IMMP2L: variants seen among roughly 807,000 people sequenced by gnomAD.
IMMP2L encodes the protein inner mitochondrial membrane peptidase subunit 2.
Under a neutral mutation model 19.3 loss-of-function variants are expected in IMMP2L, and 18 were observed. That is an observed-to-expected ratio of 0.93 (90% CI 0.64 to 1.38). IMMP2L has a LOEUF of 1.38. Among genes scored for constraint, IMMP2L ranks in the 40% most tolerant of loss-of-function variants. IMMP2L has a pLI of 0.00. For missense variants in IMMP2L, 233 were observed against 218.2 expected, an observed-to-expected ratio of 1.07 and a Z score of -0.43; for synonymous variants, 76 against 73.0, an observed-to-expected ratio of 1.04 and a Z score of -0.21.
intron 4 of IMMP2L, among the ~76,000 whole-genome samples, chr7:110,951,294 A>C (rs915946954): frequency 2.6e-5 from 4 of 152,094 alleles, no homozygotes; most frequent in Admixed American, 2.0e-4. Context: ...ACAATAAAAA[A>C]ATTAAATTAA....
chr7:111,136,473 T>G (rs913991232), intron 3 of IMMP2L, among the ~76,000 whole-genome samples: 5 of 152,184 alleles, frequency 3.3e-5, no homozygotes, highest in African/African-American at 1.2e-4. Context: ...AGGGCAGCCC[T>G]GCAAGTTATT....
At chr7:110,874,638 G>C (rs915652837) in intron 5 of IMMP2L, among the ~76,000 whole-genome samples, 10 of 151,848 alleles carry the variant, frequency 6.6e-5, no homozygotes, top group African/African-American at 2.4e-4. Flanking sequence ...TTAAAATATA[G>C]AGAAATATTA....
At position 110,886,668 on chromosome 7, in the gene IMMP2L, G is replaced by T; in HGVS notation, c.333C>A (p.Val111=). The stretch of plus-strand genomic sequence containing the variant: ...CCCAGATGTGACCACGGGGGACTTT[G>T]ACATACCGGTTTTTGTGTCCTATGG... ...VRTIGHKNRY[V]KVPRGHIWVE... The change falls in exon 5 of 6, where the codon GTC becomes GTA. Residue 111 remains valine (V), a synonymous_variant. Transcript: ENST00000405709. The T allele has an allele frequency of 6.2e-7, 1 of 1,601,228 alleles. No homozygotes were observed. Among genetic ancestry groups the T allele is most frequent in the South Asian group, 1.1e-5 (1 of 90,776 alleles).
At chr7:110,664,788 G>A (rs1293572170) in intron 5 of IMMP2L, 6 of 151,934 alleles carry the variant, frequency 3.9e-5, no homozygotes, top group Admixed American at 1.3e-4. Context: ...ACTGAGTGCC[G>A]GTTATAAAGT....
At chr7:111,299,668 T>C (rs1365279452) in intron 3 of IMMP2L, among the ~76,000 whole-genome samples, 1 of 151,252 alleles carries the variant, frequency 6.6e-6, no homozygotes, top group Non-Finnish European at 1.5e-5. Flanking sequence ...ATTAATGAGA[T>C]AACAGTTTAC....
At chr7:111,460,769 T>C (rs1284095910) in intron 3 of IMMP2L, among the ~76,000 whole-genome samples, 1 of 152,100 alleles carries the variant, frequency 6.6e-6, no homozygotes, top group Non-Finnish European at 1.5e-5. Flanking sequence ...TCAAGATTAC[T>C]GCATTTTTCC....
intron 4 of IMMP2L, among the ~76,000 whole-genome samples, chr7:110,952,547 T>C (rs953376764): frequency 1.3e-5 from 2 of 152,088 alleles, no homozygotes; most frequent in Non-Finnish European, 2.9e-5. Context: ...AGGTTCATGG[T>C]AGAACTAAGG....
In IMMP2L at chr7:111,098,260, G is replaced by A. The variant is rs140357506; in HGVS notation, c.240-134695C>T. Among the ~76,000 whole-genome samples the A allele has an allele frequency of 4.8e-4, 73 of 151,788 alleles. 2 individuals carry two copies. In the East Asian group the frequency reaches 0.013, roughly 28 times the overall value. On this transcript the variant is annotated intron_variant, in intron 3 of 5. Coordinates refer to ENST00000405709, the MANE Select transcript of IMMP2L (RefSeq NM_032549.4). ...CCTCTTATTGTCATTTATTACTCACGTATTTTTTACACAAACACCACAGTT... is the reference window on the plus strand; with the variant it reads ...CCTCTTATTGTCATTTATTACTCACATATTTTTTACACAAACACCACAGTT...
chr7:111,392,445 C>T (rs895216159), intron 3 of IMMP2L, among the ~76,000 whole-genome samples: 1 of 152,152 alleles, frequency 6.6e-6, no homozygotes, highest in African/African-American at 2.4e-5. Context: ...TCCCATCAAC[C>T]TATTACTTCT....
chr7:111,460,820 T>C (rs1452120129), intron 3 of IMMP2L, among the ~76,000 whole-genome samples: 1 of 152,078 alleles, frequency 6.6e-6, no homozygotes, highest in Non-Finnish European at 1.5e-5. Context: ...AAATATGGAC[T>C]ATATTGAACC....
At chr7:110,707,288 G>A (rs373929152) in intron 5 of IMMP2L, among the ~76,000 whole-genome samples, 2,128 of 17,402 alleles carry the variant, frequency 0.12, 235 homozygotes, top group Middle Eastern at 0.17. Flanking sequence ...AGTTTACTGA[G>A]AATGATGGTT....
chr7:110,718,090 T>C (rs1003994291), intron 5 of IMMP2L, among the ~76,000 whole-genome samples: 1 of 152,108 alleles, frequency 6.6e-6, no homozygotes, highest in African/African-American at 2.4e-5. Flanking sequence ...AAATGGGACT[T>C]CTCTATCTAT....
chr7:110,765,195 A>G (rs1313150168), intron 5 of IMMP2L, among the ~76,000 whole-genome samples: 1 of 152,172 alleles, frequency 6.6e-6, no homozygotes, highest in Non-Finnish European at 1.5e-5. Context: ...GTAGGATAAG[A>G]GGAACAGTTT....
chr7:111,554,403 T>A (rs537449071), intron 1 of IMMP2L, among the ~76,000 whole-genome samples: 1 of 152,166 alleles, frequency 6.6e-6, no homozygotes, highest in Admixed American at 6.5e-5. Context: ...CCCAAGCCCC[T>A]TCTGCTGCTA....
intron 3 of IMMP2L, among the ~76,000 whole-genome samples, chr7:111,360,398 G>A (rs765785695): frequency 4.6e-5 from 7 of 152,122 alleles, no homozygotes; most frequent in Non-Finnish European, 8.8e-5. Context: ...GTACATACCT[G>A]TGTGAGGGAA....
chr7:110,769,977 G>T (rs1016126233), intron 5 of IMMP2L, among the ~76,000 whole-genome samples: 2 of 152,026 alleles, frequency 1.3e-5, no homozygotes, highest in Non-Finnish European at 2.9e-5. Flanking sequence ...ATAATGGGTC[G>T]CCCTTGTTCA....
At chr7:111,164,454 A>T (rs1562875323) in intron 3 of IMMP2L, among the ~76,000 whole-genome samples, 2 of 152,012 alleles carry the variant, frequency 1.3e-5, no homozygotes, top group Non-Finnish European at 2.9e-5. Context: ...ACATGTTGTG[A>T]GGAAGCACTG....
At chr7:111,106,112 T>C (rs1798522512) in intron 3 of IMMP2L, among the ~76,000 whole-genome samples, 2 of 151,954 alleles carry the variant, frequency 1.3e-5, no homozygotes, top group South Asian at 2.1e-4. Context: ...TTAGAACATA[T>C]AATACCAACA....
chr7:111,380,059 A>C (rs1267424511), intron 3 of IMMP2L, among the ~76,000 whole-genome samples: 1 of 151,928 alleles, frequency 6.6e-6, no homozygotes, highest in African/African-American at 2.4e-5. Context: ...CTGCAACATT[A>C]ATTAACTTAA....
Sources: allele counts gnomAD v4.1 joint callset (sites outside exome capture counted in the v4.1 genomes callset), GRCh38; gene constraint gnomAD v4.1.1; transcripts MANE v1.5; gene names NCBI Gene and HGNC (gene_info 2026-07-23, HGNC 2026-07-21).